SWAP70: variants seen among roughly 807,000 people sequenced by gnomAD.
The protein encoded by SWAP70 is switch-associated protein 70.
SWAP70 carries 34 observed loss-of-function variants against 80.2 expected under a neutral mutation model. That is an observed-to-expected ratio of 0.42 (90% CI 0.32 to 0.56). The LOEUF (loss-of-function observed/expected upper bound fraction) is 0.56, where lower values mean the gene tolerates loss of function less well. SWAP70 is among the 20% of genes least tolerant of loss of function. SWAP70 has a pLI of 0.09. For missense variants in SWAP70, 578 were observed against 690.7 expected (o/e 0.84, Z 1.83); for synonymous variants, 239 against 238.5 (o/e 1.00, Z -0.02).
Position 9,705,430 on chromosome 11 carries a change from A to G in SWAP70, c.241-8036A>G, listed in dbSNP as rs1392763137. On this transcript the variant is annotated intron_variant, in intron 2 of 11. Coordinates refer to ENST00000318950, the MANE Select transcript of SWAP70 (RefSeq NM_015055.4). ...GATCTGTGTACACTTGGTGATCTGTATACACTGGTGATCTGTATACACTGG... is the reference window on the plus strand; with the variant it reads ...GATCTGTGTACACTTGGTGATCTGTGTACACTGGTGATCTGTATACACTGG... Among the ~76,000 whole-genome samples the G allele has an allele frequency of 5.6e-4, 74 of 131,072 alleles. 2 individuals carry two copies. Among genetic ancestry groups the G allele is most frequent in the Non-Finnish European group, 1.0e-3 (63 of 62,558 alleles). 86.0% of individuals were successfully genotyped at this position (131,072 alleles called of 152,430 possible).
At chr11:9,739,945 T>TA (rs1310408532) in intron 8 of SWAP70, among the ~76,000 whole-genome samples, 2 of 152,162 alleles carry the variant, frequency 1.3e-5, no homozygotes, top group African/African-American at 4.8e-5. Flanking sequence ...GGATGGAAAA[T>TA]ACAGCAGGGC....
At position 9,724,175 on chromosome 11, in the gene SWAP70, C is replaced by G. The variant is rs117634096; in HGVS notation, c.415-483C>G. Among the ~76,000 whole-genome samples the G allele has an allele frequency of 3.9e-5, 6 of 152,324 alleles. No individual in the cohort carries two copies. In the East Asian group the frequency reaches 1.2e-3, roughly 29 times the overall value. On this transcript the variant is annotated intron_variant, in intron 3 of 11. Transcript: ENST00000318950. Reference sequence around the variant, plus strand: ...ATGCTAGGTATTCCACCATTATTTACAACATTGTAGTGTTCCAGTGGGAGG... The same window carrying G: ...ATGCTAGGTATTCCACCATTATTTAGAACATTGTAGTGTTCCAGTGGGAGG...
chr11:9,710,792 G>A (rs1314887427), intron 2 of SWAP70, among the ~76,000 whole-genome samples: 1 of 151,040 alleles, frequency 6.6e-6, no homozygotes, highest in Admixed American at 6.6e-5. Flanking sequence ...CAATCCTTCT[G>A]CCTGACCTTC....
Position 9,752,311 on chromosome 11 carries a change from A to G in SWAP70, c.*2341A>G, listed in dbSNP as rs1851601932. 6.6e-6 allele frequency: 1 copy of G among 152,234 alleles called. No homozygotes were observed. 9.4% of individuals were successfully genotyped at this position (152,234 alleles called of 1,614,324 possible). On this transcript the variant is annotated 3_prime_UTR_variant, in exon 12 of 12. Transcript: ENST00000318950. The stretch of plus-strand genomic sequence containing the variant: ...CTGCTCTAGCCCTGGGTTCTTGGAG[A>G]CCTCACACTGCCTGGCCCCTGGCCA...
chr11:9,751,931 T>G lies in SWAP70; in HGVS notation c.*1961T>G, dbSNP rs1388380736. 1 of 152,200 alleles carries G rather than the reference T, an allele frequency of 6.6e-6. No homozygotes were observed. Among genetic ancestry groups the G allele is most frequent in the Non-Finnish European group, 1.5e-5 (1 of 68,046 alleles). 9.4% of individuals were successfully genotyped at this position (152,200 alleles called of 1,614,324 possible). On this transcript the variant is annotated 3_prime_UTR_variant, in exon 12 of 12. Coordinates refer to ENST00000318950, the MANE Select transcript of SWAP70 (RefSeq NM_015055.4). ...GGATTTCTGCCCAGCCATTTATCAG[T>G]ATTATCATTTTATTCAGTAGCTGGC...
At chr11:9,678,717 A>G (rs1442852439) in intron 1 of SWAP70, among the ~76,000 whole-genome samples, 1 of 151,848 alleles carries the variant, frequency 6.6e-6, no homozygotes, top group African/African-American at 2.4e-5. Flanking sequence ...GCTTTAGGCG[A>G]CCTTCTCCCA....
chr11:9,726,668 T>A (rs72850674), intron 4 of SWAP70, among the ~76,000 whole-genome samples: 1 of 152,264 alleles, frequency 6.6e-6, no homozygotes, highest in Non-Finnish European at 1.5e-5. Flanking sequence ...TTTAATGATA[T>A]GTATATTCTA....
rs1554893854 is a variant in SWAP70, at chr11:9,743,964, A to AC, written c.1355+3617_1355+3618insC. Among the ~76,000 whole-genome samples, 951 of 146,672 alleles carry AC rather than the reference A, an allele frequency of 6.5e-3. 8 individuals carry two copies. The highest frequency in any genetic ancestry group is 0.022 in the African/African-American group (893 of 39,974). The stretch of plus-strand genomic sequence containing the variant: ...TAGCTTGAAACACGTAGATCTTGTA[A>AC]TTTTTTTTTTTTTTTTGAGACGGAG... On this transcript the variant is annotated intron_variant, in intron 9 of 11. Transcript: ENST00000318950.
At chr11:9,664,772 C>T (rs1850288950) in intron 1 of SWAP70, among the ~76,000 whole-genome samples, 1 of 152,248 alleles carries the variant, frequency 6.6e-6, no homozygotes, top group South Asian at 2.1e-4. Flanking sequence ...CCGGAGGCGA[C>T]AGGGCAGTCC....
intron 1 of SWAP70, among the ~76,000 whole-genome samples, chr11:9,667,471 T>A (rs1354072102): frequency 6.6e-6 from 1 of 152,058 alleles, no homozygotes; most frequent in African/African-American, 2.4e-5. Flanking sequence ...AGGCTGGTGT[T>A]GAACTCCTGA....
intron 2 of SWAP70, among the ~76,000 whole-genome samples, chr11:9,698,213 G>T: frequency 7.2e-6 from 1 of 138,860 alleles, no homozygotes; most frequent in African/African-American, 2.7e-5. Context: ...CAATTTTCTT[G>T]CCCCAGCCTC....
Position 9,699,429 on chromosome 11 carries a change from T to C in SWAP70, c.240+5143T>C, listed in dbSNP as rs539486540. On this transcript the variant is annotated intron_variant, in intron 2 of 11. Coordinates refer to ENST00000318950, the MANE Select transcript of SWAP70 (RefSeq NM_015055.4). ...TCTGTTTATTGCTCAGGTAGCTTATTTGTGTTCTATAGTTTTATTATATGT... is the reference window on the plus strand; with the variant it reads ...TCTGTTTATTGCTCAGGTAGCTTATCTGTGTTCTATAGTTTTATTATATGT... Among the ~76,000 whole-genome samples, 15 of 152,324 alleles carry C rather than the reference T, an allele frequency of 9.8e-5. No individual in the cohort carries two copies. In the South Asian group the frequency reaches 2.9e-3, roughly 29 times the overall value.
chr11:9,691,367 C>T lies in SWAP70; in HGVS notation c.100-2779C>T, dbSNP rs1850695808. Among the ~76,000 whole-genome samples, 3 of 152,218 alleles carry T rather than the reference C, an allele frequency of 2.0e-5. No homozygotes were observed. In the South Asian group the frequency reaches 6.2e-4, roughly 32 times the overall value. On this transcript the variant is annotated intron_variant, in intron 1 of 11. Coordinates refer to ENST00000318950, the MANE Select transcript of SWAP70 (RefSeq NM_015055.4). ...ACAAACAAGTCCAACTCTCATTTGACAGTGAGGATGCAGAGACATTGGAGC... is the reference window on the plus strand; with the variant it reads ...ACAAACAAGTCCAACTCTCATTTGATAGTGAGGATGCAGAGACATTGGAGC...
intron 1 of SWAP70, among the ~76,000 whole-genome samples, chr11:9,687,069 A>G (rs527473175): frequency 4.6e-5 from 7 of 152,236 alleles, no homozygotes; most frequent in African/African-American, 7.2e-5. Flanking sequence ...ATCTTTTCCT[A>G]TATTTTATTT....
intron 1 of SWAP70, 127 bp from the exon 2 acceptor site, chr11:9,694,019 C>T: frequency 1.6e-6 from 2 of 1,215,312 alleles, no homozygotes; most frequent in Non-Finnish European, 2.2e-6. Flanking sequence ...GCAGTCCTCA[C>T]CCTGTTTTTG....
At chr11:9,664,708 CCTT>C (rs1208989109) in intron 1 of SWAP70, among the ~76,000 whole-genome samples, 3 of 152,330 alleles carry the variant, frequency 2.0e-5, no homozygotes, top group African/African-American at 7.2e-5. Context: ...CTGGGCAGAA[CCTT>C]CTGCAGCCCA....
intron 11 of SWAP70, among the ~76,000 whole-genome samples, chr11:9,749,536 A>G (rs1369195972): frequency 6.6e-6 from 1 of 152,078 alleles, no homozygotes; most frequent in Middle Eastern, 3.2e-3. Context: ...GTGAGCCACC[A>G]CGCCCTGCCC....
Position 9,728,135 on chromosome 11 carries a change from A to G in SWAP70, c.725A>G (p.Tyr242Cys), listed in dbSNP as rs948947863. The G allele has an allele frequency of 6.2e-6, 10 of 1,613,230 alleles. No individual in the cohort carries two copies. The highest frequency in any genetic ancestry group is 8.5e-6 in the Non-Finnish European group (10 of 1,179,700). ...FVLKPNIISY[Y>C]VSEDLKDKKG... Reference sequence around the variant, plus strand: ...CTAAAACCCAACATAATTTCTTACTATGTGAGTGAGGATCTGAAGGATAAG... The same window carrying G: ...CTAAAACCCAACATAATTTCTTACTGTGTGAGTGAGGATCTGAAGGATAAG... The change falls in exon 5 of 12, where the codon TAT becomes TGT. Residue 242 changes from tyrosine (Y) to cysteine (C), a missense_variant. Physicochemically the swap from Tyr to Cys is radical, Grantham distance 194. Transcript: ENST00000318950.
chr11:9,718,993 G>A (rs1380344676), intron 3 of SWAP70, among the ~76,000 whole-genome samples: 2 of 150,882 alleles, frequency 1.3e-5, no homozygotes, highest in Non-Finnish European at 2.9e-5. Flanking sequence ...TCAGCTACTC[G>A]GGAGGCTGAA....
Sources: allele counts gnomAD v4.1 joint callset (sites outside exome capture counted in the v4.1 genomes callset), GRCh38; gene constraint gnomAD v4.1.1; transcripts MANE v1.5; gene names NCBI Gene and HGNC (gene_info 2026-07-23, HGNC 2026-07-21).